The following RALGPS2 variants were observed in gnomAD, a reference collection of about 807,000 sequenced individuals.
RALGPS2 encodes the protein ras-specific guanine nucleotide-releasing factor RalGPS2.
RALGPS2 carries 43 observed loss-of-function variants against 86.8 expected under a neutral mutation model. The ratio of observed to expected loss-of-function variants is 0.50; its 90% CI spans 0.39 to 0.64. The LOEUF is 0.64. Among genes scored for constraint, RALGPS2 ranks in the 30% least tolerant of loss-of-function variants. The pLI, the probability that RALGPS2 is intolerant of heterozygous loss-of-function variation, is 0.00. For synonymous variants in RALGPS2, 243 were observed against 231.3 expected, an observed-to-expected ratio of 1.05 and a Z score of -0.46; for missense variants, 536 against 694.6, an observed-to-expected ratio of 0.77 and a Z score of 2.57.
At chr1:178,895,389 A>G (rs1451321642) in intron 16 of RALGPS2, among the ~76,000 whole-genome samples, 1 of 152,076 alleles carries the variant, frequency 6.6e-6, no homozygotes, top group African/African-American at 2.4e-5. Context: ...GCTGGATGCT[A>G]GAAATAGAGC....
At position 178,919,718 on chromosome 1, in the gene RALGPS2, A is replaced by G. The variant is rs956088906; in HGVS notation, c.*3359A>G. ...AAATCAATAGTAATGGGTTCCATCCATTAGCTTTTTAAATGAATAGATCTG... is the reference window on the plus strand; with the variant it reads ...AAATCAATAGTAATGGGTTCCATCCGTTAGCTTTTTAAATGAATAGATCTG... On this transcript the variant is annotated 3_prime_UTR_variant, in exon 20 of 20. Coordinates refer to ENST00000367635, the MANE Select transcript of RALGPS2 (RefSeq NM_152663.5). 1.3e-5 allele frequency: 2 copies of G among 152,002 alleles called. No individual in the cohort carries two copies. The highest frequency in any genetic ancestry group is 2.4e-5 in the African/African-American group (1 of 41,416). The allele number at this position is 152,002 out of a possible 1,614,324, so 9.4% of individuals were successfully genotyped here.
At chr1:178,855,300 T>C (rs1401199670) in intron 8 of RALGPS2, among the ~76,000 whole-genome samples, 1 of 151,064 alleles carries the variant, frequency 6.6e-6, no homozygotes, top group African/African-American at 2.4e-5. Context: ...CAGAGACTTT[T>C]TTTTTTTTTT....
chr1:178,772,315 G>A (rs1652850243), intron 1 of RALGPS2, among the ~76,000 whole-genome samples: 1 of 152,100 alleles, frequency 6.6e-6, no homozygotes. Context: ...AGAGCATCTG[G>A]CCAAAATACC....
intron 6 of RALGPS2, among the ~76,000 whole-genome samples, chr1:178,817,468 T>G (rs1267938245): frequency 6.6e-6 from 1 of 152,190 alleles, no homozygotes; most frequent in Non-Finnish European, 1.5e-5. Flanking sequence ...GGTATATTTC[T>G]GTTCCTTTGA....
chr1:178,763,604 G>A lies in RALGPS2; in HGVS notation c.-83-13078G>A, dbSNP rs527496725. 1.1e-3 allele frequency among the ~76,000 whole-genome samples: 168 copies of A among 152,154 alleles called. 1 individual carries two copies. In the Middle Eastern group the frequency reaches 0.024, roughly 22 times the overall value. ...TTCCTAGGTTTTTAATTCTTTTTGC[G>A]GCTATGGTGAATGGGATTACATTTT... On this transcript the variant is annotated intron_variant, in intron 1 of 19. Coordinates refer to ENST00000367635, the MANE Select transcript of RALGPS2 (RefSeq NM_152663.5).
intron 4 of RALGPS2, among the ~76,000 whole-genome samples, chr1:178,806,918 C>G (rs973388614): frequency 5.9e-5 from 9 of 152,074 alleles, no homozygotes; most frequent in Non-Finnish European, 1.3e-4. Context: ...GAATGCTAAC[C>G]CTTCTTTAAA....
rs535287915 is a variant in RALGPS2 at position 178,747,169 on chromosome 1, G to A, written c.-84+21750G>A. The A allele has an allele frequency of 2.0e-5, 21 of 1,024,682 alleles. No individual in the cohort carries two copies. In the African/African-American group the frequency reaches 3.0e-4, roughly 15 times the overall value. The allele number at this position is 1,024,682 out of a possible 1,614,324, so 63.5% of individuals were successfully genotyped here. A position where few individuals can be genotyped will look rare whatever the true frequency, so the allele number is the denominator to read the frequency against. The stretch of plus-strand genomic sequence containing the variant: ...AAACAAGACAAGTGTCTACCAGAGA[G>A]AAGGTGCTGGAGCGTCCAGTGCCTG... On this transcript the variant is annotated intron_variant, in intron 1 of 19. Transcript: ENST00000367635.
rs939558629 is a variant in RALGPS2 at position 178,921,767 on chromosome 1, G to T, written c.*5408G>T. ...TGAGTGTGCGATCTTCAGTGTGTCT[G>T]CATAAGCTAACTTAAGATGAATTTA... On this transcript the variant is annotated 3_prime_UTR_variant, in exon 20 of 20. Coordinates refer to ENST00000367635, the MANE Select transcript of RALGPS2 (RefSeq NM_152663.5). 6.6e-6 allele frequency: 1 copy of T among 152,096 alleles called. No homozygotes were observed. Among genetic ancestry groups the T allele is most frequent in the Middle Eastern group, 3.4e-3 (1 of 294 alleles). 9.4% of individuals were successfully genotyped at this position (152,096 alleles called of 1,614,324 possible).
At chr1:178,843,643 T>A in intron 8 of RALGPS2, among the ~76,000 whole-genome samples, 1 of 139,078 alleles carries the variant, frequency 7.2e-6, no homozygotes. Context: ...CCCTAAAACT[T>A]AAAGTATAAT....
At chr1:178,880,902 A>G (rs1253904738) in intron 10 of RALGPS2, among the ~76,000 whole-genome samples, 2 of 152,194 alleles carry the variant, frequency 1.3e-5, no homozygotes, top group African/African-American at 4.8e-5. Flanking sequence ...TAGTTCTGAC[A>G]TTCTGTAAAT....
At chr1:178,826,062 A>T (rs938382862) in intron 7 of RALGPS2, among the ~76,000 whole-genome samples, 1 of 152,196 alleles carries the variant, frequency 6.6e-6, no homozygotes, top group African/African-American at 2.4e-5. Context: ...CAGAGGATGG[A>T]CCATGAATTC....
intron 1 of RALGPS2, among the ~76,000 whole-genome samples, chr1:178,737,269 G>A (rs1455739329): frequency 1.3e-5 from 2 of 152,118 alleles, no homozygotes; most frequent in Non-Finnish European, 2.9e-5. Context: ...TTTTTGAGAT[G>A]AAGTCTTGCT....
At chr1:178,862,555 T>C (rs1281184613) in intron 8 of RALGPS2, among the ~76,000 whole-genome samples, 2 of 152,130 alleles carry the variant, frequency 1.3e-5, no homozygotes, top group Non-Finnish European at 2.9e-5. Flanking sequence ...TTCAAACCTG[T>C]AGGCGTCAAC....
intron 1 of RALGPS2, among the ~76,000 whole-genome samples, chr1:178,732,684 C>T (rs996889741): frequency 6.7e-6 from 1 of 150,076 alleles, no homozygotes; most frequent in Non-Finnish European, 1.5e-5. Flanking sequence ...TAACTTAAGA[C>T]TTTTGGTAGA....
At chr1:178,825,309 T>A (rs1050919683) in intron 7 of RALGPS2, among the ~76,000 whole-genome samples, 1 of 152,090 alleles carries the variant, frequency 6.6e-6, no homozygotes, top group African/African-American at 2.4e-5. Context: ...GTTGTTTTAT[T>A]GACAGATGAG....
intron 1 of RALGPS2, among the ~76,000 whole-genome samples, chr1:178,726,542 T>TA (rs199974693): frequency 0.1 from 14,710 of 144,150 alleles, 771 homozygotes; most frequent in African/African-American, 0.15. Context: ...AAATTTCTGT[T>TA]AAAAAAAAAA....
intron 8 of RALGPS2, among the ~76,000 whole-genome samples, chr1:178,843,995 A>T (rs1656744002): frequency 6.6e-6 from 1 of 152,198 alleles, no homozygotes. Flanking sequence ...TAAAACATAC[A>T]TGGTTTTGAT....
intron 1 of RALGPS2, chr1:178,746,799 G>A (rs1001324937): frequency 5.9e-6 from 6 of 1,010,360 alleles, no homozygotes; most frequent in African/African-American, 3.2e-5. Flanking sequence ...ATACGTTTCC[G>A]TAGAACACTC....
intron 1 of RALGPS2, among the ~76,000 whole-genome samples, chr1:178,727,533 G>C (rs1285222832): frequency 6.6e-6 from 1 of 152,166 alleles, no homozygotes; most frequent in African/African-American, 2.4e-5. Context: ...AGTAATACTA[G>C]AAAGAATACA....
Sources: gnomAD v4.1 joint callset for allele counts (sites outside exome capture counted in the v4.1 genomes callset) on GRCh38, gnomAD v4.1.1 for gene constraint, MANE v1.5 for transcripts, NCBI Gene and HGNC (gene_info 2026-07-23, HGNC 2026-07-21) for gene names.